Variants in PMEPA1 observed in about 807,000 individuals in gnomAD.
PMEPA1 encodes prostate transmembrane protein, androgen induced 1.
In PMEPA1, 11 loss-of-function variants were observed where a neutral mutation model predicts 23.0. That is an observed-to-expected ratio of 0.48 (90% CI 0.30 to 0.79). The LOEUF (loss-of-function observed/expected upper bound fraction) is 0.79, where lower values mean the gene tolerates loss of function less well. Ranked by LOEUF, PMEPA1 falls within the 30% of genes least tolerant of loss-of-function variation. PMEPA1 has a pLI of 0.06. For synonymous variants in PMEPA1, 204 were observed against 166.4 expected, an observed-to-expected ratio of 1.23 and a Z score of -1.74; for missense variants, 377 against 390.9, an observed-to-expected ratio of 0.96 and a Z score of 0.30.
intron 1 of PMEPA1, among the ~76,000 whole-genome samples, chr20:57,692,141 AG>A (rs1329692827): frequency 1.3e-5 from 2 of 152,248 alleles, no homozygotes; most frequent in Non-Finnish European, 2.9e-5. Flanking sequence ...CCCAGGACTG[AG>A]CTGAGCCCTT....
At chr20:57,705,859 C>G (rs1332629530) in intron 1 of PMEPA1, among the ~76,000 whole-genome samples, 1 of 152,142 alleles carries the variant, frequency 6.6e-6, no homozygotes, top group Admixed American at 6.5e-5. Flanking sequence ...GTGCTGGTAA[C>G]ACCTTACAGA....
intron 1 of PMEPA1, among the ~76,000 whole-genome samples, chr20:57,685,645 CTG>C (rs2071791399): frequency 2.0e-5 from 3 of 151,994 alleles, no homozygotes; most frequent in African/African-American, 7.3e-5. Flanking sequence ...AAACCATCAT[CTG>C]TGATTGGGCT....
intron 1 of PMEPA1, among the ~76,000 whole-genome samples, chr20:57,679,159 C>T (rs963045005): frequency 6.6e-6 from 1 of 152,138 alleles, no homozygotes; most frequent in South Asian, 2.1e-4. Context: ...GACAGCCTTT[C>T]GGAGGAGGTG....
intron 1 of PMEPA1, among the ~76,000 whole-genome samples, chr20:57,672,026 C>A (rs1007919712): frequency 1.3e-5 from 2 of 152,212 alleles, no homozygotes; most frequent in Non-Finnish European, 2.9e-5. Context: ...AATATGGATC[C>A]ATTTTTATAG....
Position 57,652,028 on chromosome 20 carries a change from C to T in PMEPA1, c.*25G>A, listed in dbSNP as rs543293436. On this transcript the variant is annotated 3_prime_UTR_variant, in exon 4 of 4. Transcript: ENST00000341744. This position sits in a 1 kb window ranked among gnomAD's most constrained non-coding sequence, Gnocchi z 6.1. The stretch of plus-strand genomic sequence containing the variant: ...GTGTTCTGCCTTTTCACCTACGCAG[C>T]CCCAGCCCGGCCCCCCTGGGGACCC... 4.1e-5 allele frequency: 59 copies of T among 1,454,662 alleles called. No individual in the cohort carries two copies. In the Middle Eastern group the frequency reaches 5.4e-4, roughly 13 times the overall value. The allele number at this position is 1,454,662 out of a possible 1,614,324, so 90.1% of individuals were successfully genotyped here.
At chr20:57,681,361 G>C (rs905212785) in intron 1 of PMEPA1, among the ~76,000 whole-genome samples, 3 of 152,156 alleles carry the variant, frequency 2.0e-5, no homozygotes, top group Non-Finnish European at 4.4e-5. Flanking sequence ...CCTCCTTCCT[G>C]CCAGGGAGGG....
At chr20:57,708,460 G>C (rs1229150494) in intron 1 of PMEPA1, among the ~76,000 whole-genome samples, 7 of 152,338 alleles carry the variant, frequency 4.6e-5, no homozygotes, top group African/African-American at 1.4e-4. Flanking sequence ...GCAGGAGGTA[G>C]AGACTTACTT....
In PMEPA1 at chr20:57,690,796, G is replaced by A. The variant is rs148608263; in HGVS notation, c.109+18678C>T. On this transcript the variant is annotated intron_variant, in intron 1 of 3. Coordinates refer to ENST00000341744, the MANE Select transcript of PMEPA1 (RefSeq NM_020182.5). ...CCGTCTACTCCTCACCCACCAGTTGGTGAGGATCCAGGAGCCGGGGGTTCT... is the reference window on the plus strand; with the variant it reads ...CCGTCTACTCCTCACCCACCAGTTGATGAGGATCCAGGAGCCGGGGGTTCT... Among the ~76,000 whole-genome samples, 883 of 152,334 alleles carry A rather than the reference G, an allele frequency of 5.8e-3. 4 individuals carry two copies. Among genetic ancestry groups the A allele is most frequent in the Middle Eastern group, 0.017 (5 of 294 alleles).
chr20:57,658,576 G>A (rs1211102561), intron 2 of PMEPA1, among the ~76,000 whole-genome samples: 3 of 152,192 alleles, frequency 2.0e-5, no homozygotes, highest in African/African-American at 4.8e-5. Flanking sequence ...GACCAGACCC[G>A]TGCTCTGTGC....
intron 1 of PMEPA1, among the ~76,000 whole-genome samples, chr20:57,664,767 T>A (rs2071470250): frequency 6.6e-6 from 1 of 152,204 alleles, no homozygotes; most frequent in Non-Finnish European, 1.5e-5. Flanking sequence ...TGTGAAGCTG[T>A]GGTCCTTTAA....
chr20:57,664,999 G>C (rs2071473214), intron 1 of PMEPA1, among the ~76,000 whole-genome samples: 1 of 152,198 alleles, frequency 6.6e-6, no homozygotes, highest in Non-Finnish European at 1.5e-5. Flanking sequence ...CAAATGCCCA[G>C]TATGACACCT....
At chr20:57,669,345 C>T (rs2071536790) in intron 1 of PMEPA1, among the ~76,000 whole-genome samples, 1 of 151,998 alleles carries the variant, frequency 6.6e-6, no homozygotes, top group African/African-American at 2.4e-5. Context: ...ATTTTGAGTA[C>T]AGACGGGGTT....
chr20:57,670,315 C>T (rs1264054616), intron 1 of PMEPA1, among the ~76,000 whole-genome samples: 2 of 152,158 alleles, frequency 1.3e-5, no homozygotes, highest in Non-Finnish European at 2.9e-5. Flanking sequence ...TTCTCTAGGC[C>T]TCCGTGGTGC....
At chr20:57,690,041 G>A (rs1010892101) in intron 1 of PMEPA1, among the ~76,000 whole-genome samples, 6 of 152,246 alleles carry the variant, frequency 3.9e-5, no homozygotes, top group Non-Finnish European at 5.9e-5. Context: ...TCAGCTCCAC[G>A]AGCTAGGAAC....
intron 1 of PMEPA1, among the ~76,000 whole-genome samples, chr20:57,698,480 C>A (rs1033351752): frequency 4.6e-5 from 7 of 152,302 alleles, no homozygotes; most frequent in African/African-American, 1.7e-4. Context: ...ATCATGCCTT[C>A]CGCAAGACCA....
Position 57,709,594 on chromosome 20 carries a change from C to T in PMEPA1, c.-12G>A. 11 of 950,360 alleles carry T rather than the reference C, an allele frequency of 1.2e-5. No individual in the cohort carries two copies. Among genetic ancestry groups the T allele is most frequent in the Non-Finnish European group, 1.1e-5 (9 of 797,400 alleles). 58.9% of individuals were successfully genotyped at this position (950,360 alleles called of 1,614,324 possible). A position where few individuals can be genotyped will look rare whatever the true frequency, so the allele number is the denominator to read the frequency against. On this transcript the variant is annotated 5_prime_UTR_variant, in exon 1 of 4. Coordinates refer to ENST00000341744, the MANE Select transcript of PMEPA1 (RefSeq NM_020182.5). Reference sequence around the variant, plus strand: ...ATCAAGCGGTGCATGGACGGCGCGGCGGCGCGGCGCGGGGCGCGGGGGGCT... The same window carrying T: ...ATCAAGCGGTGCATGGACGGCGCGGTGGCGCGGCGCGGGGCGCGGGGGGCT...
chr20:57,710,464 T>C, upstream of PMEPA1: 1 of 1,608,324 alleles, frequency 6.2e-7, no homozygotes, highest in Non-Finnish European at 8.5e-7. Context: ...GATCACCCAT[T>C]GCCTGGTTTC....
chr20:57,684,659 G>C (rs1424136937), intron 1 of PMEPA1, among the ~76,000 whole-genome samples: 1 of 152,244 alleles, frequency 6.6e-6, no homozygotes, highest in African/African-American at 2.4e-5. Flanking sequence ...TAGTCGCTAT[G>C]GCAATGAGGT....
intron 1 of PMEPA1, among the ~76,000 whole-genome samples, chr20:57,661,751 C>A (rs532087982): frequency 6.6e-6 from 1 of 152,218 alleles, no homozygotes; most frequent in Non-Finnish European, 1.5e-5. Flanking sequence ...CCACCAGCCT[C>A]GCTCTCCCCA....
Sources: gnomAD v4.1 joint callset for allele counts (sites outside exome capture counted in the v4.1 genomes callset) on GRCh38, gnomAD v4.1.1 for gene constraint, Gnocchi (gnomAD v3.1) non-coding constraint, MANE v1.5 for transcripts, NCBI Gene and HGNC (gene_info 2026-07-23, HGNC 2026-07-21) for gene names.